The following DYNC2H1 variants were observed in gnomAD, a reference collection of about 807,000 sequenced individuals.
The protein encoded by DYNC2H1 is dynein cytoplasmic 2 heavy chain 1.
DYNC2H1 carries 410 observed loss-of-function variants against 570.0 expected under a neutral mutation model. The observed-to-expected ratio is 0.72, with a 90% CI of 0.66 to 0.78. DYNC2H1 has a LOEUF of 0.78. DYNC2H1 is among the 30% of genes least tolerant of loss of function. The pLI is 0.00. For synonymous variants in DYNC2H1, 1,688 were observed against 1,677.6 expected, an observed-to-expected ratio of 1.01 and a Z score of -0.15; for missense variants, 4,865 against 5,046.4, an observed-to-expected ratio of 0.96 and a Z score of 1.09.
At chr11:103,339,167 C>T (rs1419509503) in intron 82 of DYNC2H1, among the ~76,000 whole-genome samples, 1 of 152,130 alleles carries the variant, frequency 6.6e-6, no homozygotes, top group Non-Finnish European at 1.5e-5. Flanking sequence ...CCCACTCTTT[C>T]CCCCAAGTGG....
At chr11:103,316,341 A>G (rs1240527485) in intron 79 of DYNC2H1, among the ~76,000 whole-genome samples, 1 of 152,090 alleles carries the variant, frequency 6.6e-6, no homozygotes, top group Non-Finnish European at 1.5e-5. Flanking sequence ...ATGGTATTAT[A>G]AAGTACTTTT....
chr11:103,181,946 C>T lies in DYNC2H1; in HGVS notation c.6477+60C>T. The T allele has an allele frequency of 6.5e-7, 1 of 1,526,950 alleles. No individual in the cohort carries two copies. The highest frequency in any genetic ancestry group is 8.9e-7 in the Non-Finnish European group (1 of 1,128,306). The allele number at this position is 1,526,950 out of a possible 1,614,324, so 94.6% of individuals were successfully genotyped here. A position where few individuals can be genotyped will look rare whatever the true frequency, so the allele number is the denominator to read the frequency against. Reference sequence around the variant, plus strand: ...GTGAGAAGTATGATTAAGAGTGATGCTTATTTTAACTTCCTTGTGGTAGAA... The same window carrying T: ...GTGAGAAGTATGATTAAGAGTGATGTTTATTTTAACTTCCTTGTGGTAGAA... On this transcript the variant is annotated intron_variant, in intron 40 of 88. Transcript: ENST00000375735. The surrounding 1 kb of genome is among the most constrained non-coding windows in gnomAD (Gnocchi z 5.0).
At chr11:103,415,754 G>A (rs561032022) in intron 84 of DYNC2H1, among the ~76,000 whole-genome samples, 1 of 152,276 alleles carries the variant, frequency 6.6e-6, no homozygotes, top group South Asian at 2.1e-4. Context: ...ATTCCTCAAG[G>A]ATCTGGAACT....
intron 59 of DYNC2H1, among the ~76,000 whole-genome samples, chr11:103,224,763 C>T (rs1383416830): frequency 3.3e-5 from 5 of 152,162 alleles, no homozygotes; most frequent in African/African-American, 1.2e-4. Flanking sequence ...TGGGTAGATA[C>T]CTAGTAGTAG....
intron 17 of DYNC2H1, among the ~76,000 whole-genome samples, chr11:103,141,605 C>G (rs1859935518): frequency 6.6e-6 from 1 of 152,324 alleles, no homozygotes; most frequent in African/African-American, 2.4e-5. Context: ...AGGTGTCAGT[C>G]TGCCCCTACT....
chr11:103,310,414 A>C (rs924444450), intron 78 of DYNC2H1, among the ~76,000 whole-genome samples: 5 of 151,884 alleles, frequency 3.3e-5, no homozygotes, highest in African/African-American at 1.2e-4. Flanking sequence ...TTTTTGTTTC[A>C]TTTATTTTTC....
intron 63 of DYNC2H1, among the ~76,000 whole-genome samples, chr11:103,238,201 G>T (rs1864294613): frequency 6.6e-6 from 1 of 152,014 alleles, no homozygotes; most frequent in African/African-American, 2.4e-5. Context: ...ATATTAGTTG[G>T]GCTTCTGGGA....
Position 103,156,876 on chromosome 11 carries a change from C to T in DYNC2H1, c.4127+106C>T, listed in dbSNP as rs1860859617. ...AAATTACTTTTACATGATTGGTATC[C>T]TCTGTGTATTCAAATTCTTTCCTAG... On this transcript the variant is annotated intron_variant, in intron 26 of 88. Coordinates refer to ENST00000375735, the MANE Select transcript of DYNC2H1 (RefSeq NM_001377.3). 2.9e-6 allele frequency: 4 copies of T among 1,362,314 alleles called. No homozygotes were observed. In the Admixed American group the frequency reaches 1.1e-4, roughly 37 times the overall value. The allele number at this position is 1,362,314 out of a possible 1,614,324, so 84.4% of individuals were successfully genotyped here. A position where few individuals can be genotyped will look rare whatever the true frequency, so the allele number is the denominator to read the frequency against.
Position 103,198,814 on chromosome 11 carries a change from C to G in DYNC2H1, c.7840-414C>G, listed in dbSNP as rs11225601. On this transcript the variant is annotated intron_variant, in intron 48 of 88. Transcript: ENST00000375735. The stretch of plus-strand genomic sequence containing the variant: ...GCTTTTGATTCATTCCCAAGCAATG[C>G]GAAAGAACAAACATTCACAAAAGAT... Among the ~76,000 whole-genome samples the G allele has an allele frequency of 2.0e-5, 3 of 152,008 alleles. No homozygotes were observed. In the East Asian group the frequency reaches 5.8e-4, roughly 29 times the overall value.
Position 103,137,639 on chromosome 11 carries a change from A to G in DYNC2H1, c.2574+1691A>G, listed in dbSNP as rs1327489963. Among the ~76,000 whole-genome samples the G allele has an allele frequency of 1.1e-4, 17 of 152,100 alleles. No homozygotes were observed. In the East Asian group the frequency reaches 2.5e-3, roughly 22 times the overall value. Reference sequence around the variant, plus strand: ...GTTTTGGTTACTGTAGCCTTGTAGTATAGTTTGAAGTCAGGTAGCGTGATG... The same window carrying G: ...GTTTTGGTTACTGTAGCCTTGTAGTGTAGTTTGAAGTCAGGTAGCGTGATG... On this transcript the variant is annotated intron_variant, in intron 17 of 88. Coordinates refer to ENST00000375735, the MANE Select transcript of DYNC2H1 (RefSeq NM_001377.3).
chr11:103,119,620 G>GT (rs1252483460), intron 6 of DYNC2H1, among the ~76,000 whole-genome samples: 1 of 152,150 alleles, frequency 6.6e-6, no homozygotes, highest in Non-Finnish European at 1.5e-5. Context: ...GATTACAGGC[G>GT]TGAGCCACTG....
intron 39 of DYNC2H1, among the ~76,000 whole-genome samples, 174 bp downstream of exon 39, chr11:103,179,407 A>G: frequency 6.6e-6 from 1 of 151,830 alleles, no homozygotes; most frequent in East Asian, 1.9e-4. Flanking sequence ...TTATTACAAA[A>G]TTGAATTATT....
rs1344183719 is a variant in DYNC2H1 at position 103,207,246 on chromosome 11, A to ATTTTTT, written c.8454+2282_8454+2283insTTTTTT. 1.3e-4 allele frequency among the ~76,000 whole-genome samples: 5 copies of ATTTTTT among 38,956 alleles called. 1 individual carries two copies. Among genetic ancestry groups the ATTTTTT allele is most frequent in the Non-Finnish European group, 2.7e-4 (5 of 18,820 alleles). 25.6% of individuals were successfully genotyped at this position (38,956 alleles called of 152,430 possible). On this transcript the variant is annotated intron_variant, in intron 52 of 88. Coordinates refer to ENST00000375735, the MANE Select transcript of DYNC2H1 (RefSeq NM_001377.3). ...CTGTTTTTTTTTTTTTTTTTTTAAAAAAAGATGGGACACACTATAGTATGT... is the reference window on the plus strand; with the variant it reads ...CTGTTTTTTTTTTTTTTTTTTTAAAATTTTTTAAAGATGGGACACACTATAGTATGT...
At chr11:103,435,423 G>T (rs1345144548) in intron 84 of DYNC2H1, among the ~76,000 whole-genome samples, 1 of 152,110 alleles carries the variant, frequency 6.6e-6, no homozygotes, top group Non-Finnish European at 1.5e-5. Flanking sequence ...TTATTGGAAG[G>T]TCAAATATTA....
Position 103,298,023 on chromosome 11 carries a change from T to C in DYNC2H1, c.11096-5070T>C, listed in dbSNP as rs1866904572. Among the ~76,000 whole-genome samples, 2 of 152,108 alleles carry C rather than the reference T, an allele frequency of 1.3e-5. 1 individual carries two copies. The highest frequency in any genetic ancestry group is 1.3e-4 in the Admixed American group (2 of 15,250). On this transcript the variant is annotated intron_variant, in intron 75 of 88. Coordinates refer to ENST00000375735, the MANE Select transcript of DYNC2H1 (RefSeq NM_001377.3). ...CCCCACTTTAAGTCTATCCTCAACA[T>C]AGCTGCTAAGTGCCTTTTGAAATAT...
intron 83 of DYNC2H1, among the ~76,000 whole-genome samples, chr11:103,376,786 C>T (rs899253168): frequency 5.3e-5 from 8 of 152,100 alleles, no homozygotes; most frequent in Admixed American, 4.6e-4. Context: ...GGGTTTTATA[C>T]TTTCATGTGC....
rs375433060 is a variant in DYNC2H1, at chr11:103,280,361, T to C, written c.10709T>C (p.Met3570Thr). The C allele has an allele frequency of 1.3e-6, 2 of 1,555,466 alleles. No individual in the cohort carries two copies. The highest frequency in any genetic ancestry group is 8.7e-7 in the Non-Finnish European group (1 of 1,148,198). Residue 3570 changes from methionine (M) to threonine (T), a missense_variant, in exon 71 of 89, where the codon ATG (methionine) becomes ACG (threonine). Physicochemically the swap from Met to Thr is moderately conservative, Grantham distance 81. This residue lies in a region of DYNC2H1 where 2,401 missense variants were observed against 2,454.6 expected (regional missense o/e 0.98). Transcript: ENST00000375735. The surrounding 1 kb of genome is among the most constrained non-coding windows in gnomAD (Gnocchi z 4.7). ...CRCLFKADQL[M>T]FALHFVRGMH... ...TATTCTTTGCAGGCTGATCAGTTGA[T>C]GTTCGCTTTGCATTTTGTTCGAGGC...
intron 17 of DYNC2H1, among the ~76,000 whole-genome samples, chr11:103,140,631 G>A (rs1400436508): frequency 6.6e-6 from 1 of 151,908 alleles, no homozygotes; most frequent in Non-Finnish European, 1.5e-5. Flanking sequence ...TTTCTCTCTG[G>A]CTGCCCTTTT....
chr11:103,424,568 A>G (rs1451948104), intron 84 of DYNC2H1, among the ~76,000 whole-genome samples: 3 of 152,176 alleles, frequency 2.0e-5, no homozygotes, highest in Non-Finnish European at 2.9e-5. Flanking sequence ...TCAACATTCA[A>G]GAGGTGAAAT....
Sources: gnomAD v4.1 joint callset for allele counts (sites outside exome capture counted in the v4.1 genomes callset) on GRCh38, gnomAD v4.1.1 for gene constraint, gnomAD v4.1.1 regional missense constraint, Gnocchi (gnomAD v3.1) non-coding constraint, MANE v1.5 for transcripts, NCBI Gene and HGNC (gene_info 2026-07-23, HGNC 2026-07-21) for gene names.